EPS15: variants seen among roughly 807,000 people sequenced by gnomAD.
EPS15 encodes the protein epidermal growth factor receptor pathway substrate 15, also known as epidermal growth factor receptor substrate 15.
In EPS15, 72 loss-of-function variants were observed where a neutral mutation model predicts 113.8. The observed-to-expected ratio is 0.63, with a 90% CI of 0.52 to 0.77. The LOEUF is 0.77. Among genes scored for constraint, EPS15 ranks in the 30% least tolerant of loss-of-function variants. The pLI is 0.00. For missense variants in EPS15, 1,048 were observed against 1,045.8 expected (o/e 1.00, Z -0.03); for synonymous variants, 344 against 363.4 (o/e 0.95, Z 0.61).
intron 21 of EPS15, among the ~76,000 whole-genome samples, chr1:51,369,266 A>G (rs1023326017): frequency 6.6e-6 from 1 of 152,218 alleles, no homozygotes; most frequent in Non-Finnish European, 1.5e-5. Context: ...GATGAATGAC[A>G]AATAACTTTC....
intron 21 of EPS15, among the ~76,000 whole-genome samples, chr1:51,392,953 A>C (rs930955115): frequency 2.6e-5 from 4 of 152,254 alleles, no homozygotes; most frequent in Non-Finnish European, 5.9e-5. Flanking sequence ...AGGGTATAAA[A>C]AGAGCACATG....
chr1:51,384,451 C>T (rs963859287), intron 21 of EPS15, among the ~76,000 whole-genome samples: 1 of 151,902 alleles, frequency 6.6e-6, no homozygotes, highest in Non-Finnish European at 1.5e-5. Flanking sequence ...CAGGTGCATG[C>T]CACTATGCCT....
intron 22 of EPS15, among the ~76,000 whole-genome samples, chr1:51,364,798 C>A (rs1646471587): frequency 6.6e-6 from 1 of 151,546 alleles, no homozygotes; most frequent in South Asian, 2.1e-4. Context: ...TGCACCCAGC[C>A]TGAAAGTCAA....
intron 1 of EPS15, among the ~76,000 whole-genome samples, chr1:51,511,856 T>G (rs1334936203): frequency 6.6e-6 from 1 of 152,256 alleles, no homozygotes; most frequent in East Asian, 1.9e-4. Flanking sequence ...AATAAGCAGT[T>G]TGATTATTTC....
intron 1 of EPS15, among the ~76,000 whole-genome samples, chr1:51,501,582 G>C (rs1054419833): frequency 6.6e-6 from 1 of 151,522 alleles, no homozygotes; most frequent in Admixed American, 6.6e-5. Context: ...GGGTTCAAGC[G>C]ATTCTCCTGC....
chr1:51,472,169 A>T (rs1655289578), intron 3 of EPS15, among the ~76,000 whole-genome samples: 1 of 152,198 alleles, frequency 6.6e-6, no homozygotes. Context: ...CAATGAGGGT[A>T]AGTGACTTAG....
intron 6 of EPS15, 91 bp downstream of exon 6, chr1:51,465,170 T>C: frequency 6.6e-6 from 5 of 752,894 alleles, no homozygotes; most frequent in Non-Finnish European, 1.1e-5. Context: ...TGTATGAAAG[T>C]CTAATGAAGA....
intron 23 of EPS15, 70 bp downstream of exon 23, chr1:51,363,796 G>A (rs1646442963): frequency 4.8e-6 from 7 of 1,444,458 alleles, no homozygotes; most frequent in Non-Finnish European, 6.6e-6. Flanking sequence ...ATATAAGTAA[G>A]TTCCGCACAA....
intron 1 of EPS15, among the ~76,000 whole-genome samples, chr1:51,504,016 A>G (rs1041408720): frequency 1.3e-5 from 2 of 152,234 alleles, no homozygotes; most frequent in African/African-American, 4.8e-5. Flanking sequence ...AAACACAGGG[A>G]TAAATCTTCA....
rs147714539 is a variant in EPS15, at chr1:51,501,345, T to C, written c.33+17854A>G. On this transcript the variant is annotated intron_variant, in intron 1 of 24. Transcript: ENST00000371733. The stretch of plus-strand genomic sequence containing the variant: ...ATTGCTTGAACCCGGGAGGTGGAGG[T>C]TGCAGTGAGCCGAGATGGCACCATT... Among the ~76,000 whole-genome samples the C allele has an allele frequency of 9.0e-4, 136 of 150,712 alleles. 1 individual carries two copies. Among genetic ancestry groups the C allele is most frequent in the African/African-American group, 3.2e-3 (132 of 41,018 alleles).
At chr1:51,445,542 T>C (rs1174315852) in intron 10 of EPS15, among the ~76,000 whole-genome samples, 2 of 151,560 alleles carry the variant, frequency 1.3e-5, no homozygotes, top group Admixed American at 1.3e-4. Context: ...CAGCTGCAAA[T>C]GGAAATCACA....
At chr1:51,372,800 T>C (rs1646690704) in intron 21 of EPS15, 1 of 435,674 alleles carries the variant, frequency 2.3e-6, no homozygotes, top group African/African-American at 2.1e-5. Flanking sequence ...ACATCAAAGA[T>C]GCTACAGTGG....
chr1:51,493,679 C>T (rs972887899), intron 1 of EPS15, among the ~76,000 whole-genome samples: 8 of 151,418 alleles, frequency 5.3e-5, no homozygotes, highest in African/African-American at 1.9e-4. Flanking sequence ...AGTGCAATGG[C>T]ACGATCTCGG....
intron 20 of EPS15, among the ~76,000 whole-genome samples, chr1:51,395,341 T>C (rs1372850816): frequency 6.6e-6 from 1 of 152,232 alleles, no homozygotes; most frequent in Admixed American, 6.5e-5. Context: ...AGTTTTTCCA[T>C]TAATGTCCTT....
At chr1:51,461,721 G>A (rs1433842144) in intron 7 of EPS15, 1 of 152,040 alleles carries the variant, frequency 6.6e-6, no homozygotes, top group Non-Finnish European at 1.5e-5. Context: ...TCACACAGGG[G>A]AGAAATAATT....
chr1:51,422,873 T>G (rs1353959574), intron 12 of EPS15, among the ~76,000 whole-genome samples: 2 of 152,232 alleles, frequency 1.3e-5, no homozygotes, highest in South Asian at 4.1e-4. Flanking sequence ...TAACAAGTCC[T>G]CCAGATTAGT....
At chr1:51,380,591 A>G (rs954537996) in intron 21 of EPS15, among the ~76,000 whole-genome samples, 1 of 152,240 alleles carries the variant, frequency 6.6e-6, no homozygotes, top group African/African-American at 2.4e-5. Context: ...CACTACAAAA[A>G]ATCAACTAAA....
chr1:51,411,538 T>C (rs908031734), intron 13 of EPS15, among the ~76,000 whole-genome samples: 1 of 152,206 alleles, frequency 6.6e-6, no homozygotes, highest in African/African-American at 2.4e-5. Flanking sequence ...GAAATTATAA[T>C]ATTGAAGGAG....
At chr1:51,447,234 G>GT (rs1209947071) in intron 9 of EPS15, 129 bp from the exon 10 acceptor site, 1 of 709,446 alleles carries the variant, frequency 1.4e-6, no homozygotes, top group African/African-American at 1.8e-5. Flanking sequence ...GAGCAACAAT[G>GT]TATCACTTCC....
Sources: gnomAD v4.1 joint callset for allele counts (sites outside exome capture counted in the v4.1 genomes callset) on GRCh38, gnomAD v4.1.1 for gene constraint, MANE v1.5 for transcripts, NCBI Gene and HGNC (gene_info 2026-07-23, HGNC 2026-07-21) for gene names.